SLC14A2: variants seen among roughly 807,000 people sequenced by gnomAD.
SLC14A2 encodes solute carrier family 14 member 2.
A neutral mutation model predicts 104.6 loss-of-function variants in SLC14A2; 91 were observed. The ratio of observed to expected loss-of-function variants is 0.87; its 90% confidence interval spans 0.73 to 1.04. The LOEUF (loss-of-function observed/expected upper bound fraction) is 1.04, where lower values mean the gene tolerates loss of function less well. Ranked by LOEUF, SLC14A2 falls within the 50% of genes least tolerant of loss-of-function variation. The pLI is 0.00. For synonymous variants in SLC14A2, 476 were observed against 466.4 expected (o/e 1.02, Z -0.27); for missense variants, 1,189 against 1,156.0 (o/e 1.03, Z -0.41).
chr18:45,232,140 G>A (rs1029685821), intron 1 of SLC14A2, among the ~76,000 whole-genome samples: 3 of 152,136 alleles, frequency 2.0e-5, no homozygotes, highest in African/African-American at 4.8e-5. Flanking sequence ...AGAACTACCC[G>A]AGACTGGGCC....
At chr18:45,542,678 T>C (rs1001162430) in intron 2 of SLC14A2, among the ~76,000 whole-genome samples, 4 of 152,188 alleles carry the variant, frequency 2.6e-5, no homozygotes, top group Non-Finnish European at 4.4e-5. Flanking sequence ...GAAGGTACCC[T>C]AGAGGCTTAG....
intron 2 of SLC14A2, among the ~76,000 whole-genome samples, chr18:45,586,393 C>G (rs2044567680): frequency 6.6e-6 from 1 of 152,206 alleles, no homozygotes; most frequent in Non-Finnish European, 1.5e-5. Context: ...TCGCTAGAAG[C>G]TGACGCTCAT....
the SLC14A2 span, among the ~76,000 whole-genome samples, chr18:45,206,532 T>C: frequency 6.6e-6 from 1 of 152,204 alleles, no homozygotes; most frequent in Non-Finnish European, 1.5e-5. Flanking sequence ...AATAACTTTA[T>C]TACATTTCAT....
rs78238516 is a variant in SLC14A2 at position 45,638,080 on chromosome 18, T to C, written c.843+898T>C. Among the ~76,000 whole-genome samples the C allele has an allele frequency of 4.9e-3, 745 of 152,308 alleles. 9 individuals carry two copies. The highest frequency in any genetic ancestry group is 0.017 in the African/African-American group (700 of 41,576). On this transcript the variant is annotated intron_variant, in intron 6 of 19. Coordinates refer to ENST00000255226, the MANE Select transcript of SLC14A2 (RefSeq NM_007163.4). The stretch of plus-strand genomic sequence containing the variant: ...TTCTTGACCGCTTGGGCTTAAAATC[T>C]GCGTTCCCGGATGGAAAGGTGGACG...
At chr18:45,658,319 G>A (rs544785651) in intron 10 of SLC14A2, among the ~76,000 whole-genome samples, 98 of 152,232 alleles carry the variant, frequency 6.4e-4, no homozygotes, top group Non-Finnish European at 6.6e-4. Flanking sequence ...GGTAGCTCAC[G>A]CCTGTAATCC....
intron 1 of SLC14A2, among the ~76,000 whole-genome samples, chr18:45,304,763 T>C (rs1313920589): frequency 6.6e-6 from 1 of 152,120 alleles, no homozygotes; most frequent in Non-Finnish European, 1.5e-5. Context: ...GAGATGTAGA[T>C]AACAGTCAGG....
chr18:45,453,777 C>T (rs1234783653), intron 1 of SLC14A2, among the ~76,000 whole-genome samples: 1 of 151,916 alleles, frequency 6.6e-6, no homozygotes, highest in Non-Finnish European at 1.5e-5. Flanking sequence ...ACAGTGCCTC[C>T]CTTACTGAAA....
At chr18:45,608,195 G>T (rs145020314) in intron 2 of SLC14A2, among the ~76,000 whole-genome samples, 1 of 152,160 alleles carries the variant, frequency 6.6e-6, no homozygotes, top group African/African-American at 2.4e-5. Context: ...CAGAGAAATC[G>T]GTGCTTTAGA....
intron 1 of SLC14A2, among the ~76,000 whole-genome samples, chr18:45,425,739 A>T (rs2086414961): frequency 6.6e-6 from 1 of 152,196 alleles, no homozygotes; most frequent in African/African-American, 2.4e-5. Context: ...TAGGTATAAT[A>T]GTAAGCTGTC....
At chr18:45,465,042 A>C (rs929095226) in intron 1 of SLC14A2, among the ~76,000 whole-genome samples, 2 of 152,186 alleles carry the variant, frequency 1.3e-5, no homozygotes, top group Admixed American at 6.5e-5. Flanking sequence ...GAGAGACAGA[A>C]ACAGACAATG....
intron 18 of SLC14A2, among the ~76,000 whole-genome samples, chr18:45,675,711 T>TATATA (rs1568006254): frequency 5.4e-3 from 268 of 49,220 alleles, no homozygotes; most frequent in African/African-American, 0.014. Flanking sequence ...ATATATATAT[T>TATATA]TTTTTTTTTT....
chr18:45,461,869 T>C (rs1248585377), intron 1 of SLC14A2, among the ~76,000 whole-genome samples: 1 of 152,234 alleles, frequency 6.6e-6, no homozygotes, highest in Non-Finnish European at 1.5e-5. Context: ...TGTGAATTAA[T>C]GCTAGATTGT....
intron 1 of SLC14A2, among the ~76,000 whole-genome samples, chr18:45,364,378 G>T (rs922511706): frequency 3.3e-5 from 5 of 152,190 alleles, no homozygotes; most frequent in Non-Finnish European, 7.3e-5. Flanking sequence ...TACTAGGTGT[G>T]AAGACTCTTT....
chr18:45,184,666 A>G, the SLC14A2 span, among the ~76,000 whole-genome samples: 95 of 152,344 alleles, frequency 6.2e-4, 1 homozygote, highest in African/African-American at 2.3e-3. Context: ...AAGGAAAAAA[A>G]TCACATATAA....
intron 1 of SLC14A2, among the ~76,000 whole-genome samples, chr18:45,328,143 C>A (rs952469071): frequency 2.0e-5 from 3 of 152,114 alleles, no homozygotes; most frequent in African/African-American, 7.2e-5. Flanking sequence ...CTCTCTGTTC[C>A]CTCTCCTCCT....
intron 1 of SLC14A2, among the ~76,000 whole-genome samples, chr18:45,331,565 C>A (rs1251686931): frequency 6.6e-6 from 1 of 151,978 alleles, no homozygotes; most frequent in Non-Finnish European, 1.5e-5. Flanking sequence ...GTGGCGGACA[C>A]CTGTAGTCCC....
intron 1 of SLC14A2, among the ~76,000 whole-genome samples, chr18:45,427,780 G>T (rs1385737617): frequency 6.6e-6 from 1 of 152,196 alleles, no homozygotes; most frequent in African/African-American, 2.4e-5. Flanking sequence ...GGCTATCAGA[G>T]CATCCTTGTG....
chr18:45,350,251 C>T (rs1006055296), intron 1 of SLC14A2, among the ~76,000 whole-genome samples: 1 of 152,226 alleles, frequency 6.6e-6, no homozygotes, highest in African/African-American at 2.4e-5. Flanking sequence ...TCGTTAAAAA[C>T]CATTCTGGAT....
intron 1 of SLC14A2, among the ~76,000 whole-genome samples, chr18:45,476,168 G>T (rs112211245): frequency 1.3e-5 from 2 of 152,172 alleles, no homozygotes; most frequent in East Asian, 1.9e-4. Context: ...CTTGTAAGGC[G>T]GGCCTGGTGG....
Sources: gnomAD v4.1 joint callset for allele counts (sites outside exome capture counted in the v4.1 genomes callset) on GRCh38, gnomAD v4.1.1 for gene constraint, MANE v1.5 for transcripts, NCBI Gene and HGNC (gene_info 2026-07-23, HGNC 2026-07-21) for gene names.